CDH13: variants seen among roughly 807,000 people sequenced by gnomAD.
CDH13 encodes cadherin-13.
CDH13 carries 24 observed loss-of-function variants against 63.8 expected under a neutral mutation model. The observed-to-expected ratio is 0.38, with a 90% CI of 0.27 to 0.53. The LOEUF is 0.53. CDH13 is among the 20% of genes least tolerant of loss of function. The probability of loss-of-function intolerance (pLI) is 0.85; values close to 1 mark genes in which losing one functional copy is unlikely to be tolerated. For synonymous variants in CDH13, 503 were observed against 355.3 expected, an observed-to-expected ratio of 1.42 and a Z score of -4.67; for missense variants, 1,049 against 903.1, an observed-to-expected ratio of 1.16 and a Z score of -2.07.
At chr16:83,732,492 A>G (rs6563975) in intron 10 of CDH13, among the ~76,000 whole-genome samples, 34,787 of 152,054 alleles carry the variant, frequency 0.23, 4,737 homozygotes, top group African/African-American at 0.39. Flanking sequence ...CATGACGTAC[A>G]TTTTTTAAAT....
At chr16:83,301,863 TAGGC>T (rs1216289643) in intron 5 of CDH13, among the ~76,000 whole-genome samples, 3 of 151,532 alleles carry the variant, frequency 2.0e-5, no homozygotes, top group African/African-American at 7.3e-5. Context: ...TTTAAAGAAA[TAGGC>T]AGGGAGAGGG....
At chr16:83,214,658 C>G (rs998548486) in intron 4 of CDH13, among the ~76,000 whole-genome samples, 1 of 146,042 alleles carries the variant, frequency 6.8e-6, no homozygotes, top group African/African-American at 2.5e-5. Flanking sequence ...TACCCATTAA[C>G]AACAGTGTAA....
intron 11 of CDH13, among the ~76,000 whole-genome samples, chr16:83,751,810 G>A (rs78291780): frequency 0.032 from 4,931 of 152,324 alleles, 119 homozygotes; most frequent in East Asian, 0.086. Context: ...CCAGAAATCA[G>A]GAATGACTAT....
intron 1 of CDH13, among the ~76,000 whole-genome samples, chr16:82,842,382 G>T (rs1189129226): frequency 1.3e-5 from 2 of 151,542 alleles, no homozygotes; most frequent in South Asian, 4.2e-4. Flanking sequence ...TGAATTTCAA[G>T]TCCTTGGGAG....
At chr16:82,842,380 A>C (rs576250935) in intron 1 of CDH13, among the ~76,000 whole-genome samples, 20 of 151,736 alleles carry the variant, frequency 1.3e-4, no homozygotes, top group African/African-American at 4.4e-4. Context: ...CTTGAATTTC[A>C]AGTCCTTGGG....
intron 1 of CDH13, among the ~76,000 whole-genome samples, chr16:82,635,158 G>C (rs543235600): frequency 7.7e-4 from 118 of 152,332 alleles, no homozygotes; most frequent in Admixed American, 1.2e-3. Context: ...ATTGTGGCTT[G>C]ATTTGTTCAT....
intron 3 of CDH13, among the ~76,000 whole-genome samples, chr16:83,101,922 C>G (rs1005992822): frequency 6.6e-6 from 1 of 152,212 alleles, no homozygotes; most frequent in Non-Finnish European, 1.5e-5. Flanking sequence ...TGTTCACATT[C>G]TACTCCTTGG....
At chr16:83,544,513 T>A (rs1050145735) in intron 7 of CDH13, among the ~76,000 whole-genome samples, 2 of 152,188 alleles carry the variant, frequency 1.3e-5, no homozygotes, top group Non-Finnish European at 2.9e-5. Flanking sequence ...TCCAGTACAG[T>A]ATTCAATAAA....
At chr16:83,440,212 G>T (rs1239962611) in intron 6 of CDH13, among the ~76,000 whole-genome samples, 2 of 152,206 alleles carry the variant, frequency 1.3e-5, no homozygotes, top group African/African-American at 4.8e-5. Context: ...TTAGATGTGG[G>T]TCACAGAGTT....
At chr16:83,350,898 A>G (rs2090938821) in intron 6 of CDH13, among the ~76,000 whole-genome samples, 1 of 152,168 alleles carries the variant, frequency 6.6e-6, no homozygotes, top group South Asian at 2.1e-4. Context: ...TTTTAAACAC[A>G]TCCAGCCATT....
At chr16:83,234,177 C>A (rs1159841677) in intron 5 of CDH13, among the ~76,000 whole-genome samples, 1 of 152,228 alleles carries the variant, frequency 6.6e-6, no homozygotes, top group African/African-American at 2.4e-5. Flanking sequence ...ACTGGTGTCT[C>A]TGATAGGTTT....
chr16:83,557,887 G>A (rs1204598074), intron 7 of CDH13, among the ~76,000 whole-genome samples: 2 of 152,142 alleles, frequency 1.3e-5, no homozygotes, highest in East Asian at 3.9e-4. Flanking sequence ...GAGTCTTCCA[G>A]ATAAAAACAA....
chr16:83,007,074 C>G (rs530798269), intron 2 of CDH13, among the ~76,000 whole-genome samples: 1 of 152,102 alleles, frequency 6.6e-6, no homozygotes, highest in Non-Finnish European at 1.5e-5. Context: ...CAGGCATGCA[C>G]CACGCCCAGC....
At chr16:83,715,667 G>T (rs1488594283) in intron 10 of CDH13, among the ~76,000 whole-genome samples, 1 of 149,112 alleles carries the variant, frequency 6.7e-6, no homozygotes, top group Non-Finnish European at 1.5e-5. Context: ...AGGCAGGCGG[G>T]TCCCTCAGGG....
chr16:83,764,276 TA>T (rs1440601176), intron 11 of CDH13, among the ~76,000 whole-genome samples: 3 of 152,164 alleles, frequency 2.0e-5, no homozygotes, highest in Non-Finnish European at 4.4e-5. Flanking sequence ...ACAAGGATGC[TA>T]AATCCAATTA....
At chr16:82,803,461 T>C (rs1597639384) in intron 1 of CDH13, among the ~76,000 whole-genome samples, 1 of 96,160 alleles carries the variant, frequency 1.0e-5, no homozygotes, top group Non-Finnish European at 2.8e-5. Context: ...TCAGACTCAG[T>C]TTTTTTTGTA....
chr16:83,456,675 C>G (rs2073032995), intron 6 of CDH13, among the ~76,000 whole-genome samples: 7 of 151,842 alleles, frequency 4.6e-5, no homozygotes, highest in Admixed American at 4.6e-4. Flanking sequence ...GAAAGATACC[C>G]TAGGGGGCTG....
intron 5 of CDH13, among the ~76,000 whole-genome samples, chr16:83,329,256 G>A (rs966310397): frequency 3.9e-5 from 6 of 152,046 alleles, no homozygotes; most frequent in African/African-American, 7.2e-5. Context: ...GACAGAGTCC[G>A]GCTCTGTTGC....
At chr16:83,466,276 T>C (rs1460093416) in intron 6 of CDH13, among the ~76,000 whole-genome samples, 1 of 152,114 alleles carries the variant, frequency 6.6e-6, no homozygotes, top group Non-Finnish European at 1.5e-5. Flanking sequence ...AGACACCAGG[T>C]TCAAGAGGCT....
Sources: gnomAD v4.1 joint callset for allele counts (sites outside exome capture counted in the v4.1 genomes callset) on GRCh38, gnomAD v4.1.1 for gene constraint, MANE v1.5 for transcripts, NCBI Gene and HGNC (gene_info 2026-07-23, HGNC 2026-07-21) for gene names.